Variants in CDH19 observed in about 807,000 individuals in gnomAD.
CDH19 encodes the protein cadherin 19.
CDH19 carries 67 observed loss-of-function variants against 64.2 expected under a neutral mutation model. The observed-to-expected ratio is 1.04, with a 90% confidence interval of 0.86 to 1.28. The LOEUF (loss-of-function observed/expected upper bound fraction) is 1.28, where lower values mean the gene tolerates loss of function less well. Ranked by LOEUF, CDH19 falls within the 50% of genes most tolerant of loss-of-function variation. The pLI, the probability that CDH19 is intolerant of heterozygous loss-of-function variation, is 0.00. For synonymous variants in CDH19, 346 were observed against 319.3 expected (o/e 1.08, Z -0.89); for missense variants, 1,030 against 929.0 (o/e 1.11, Z -1.41).
chr18:66,559,285 T>A (rs1730626471), intron 3 of CDH19, among the ~76,000 whole-genome samples: 1 of 152,032 alleles, frequency 6.6e-6, no homozygotes, highest in Admixed American at 6.6e-5. Flanking sequence ...AAAAACTTTT[T>A]AAAAATTAAG....
chr18:66,543,827 G>A (rs1986990339), intron 7 of CDH19, 144 bp downstream of exon 7: 4 of 599,350 alleles, frequency 6.7e-6, no homozygotes, highest in African/African-American at 1.9e-5. Context: ...AGGTGGCAAT[G>A]AGCTGAGATT....
chr18:66,598,536 A>G (rs557033539), intron 1 of CDH19, among the ~76,000 whole-genome samples: 87 of 152,252 alleles, frequency 5.7e-4, no homozygotes, highest in African/African-American at 1.2e-3. Context: ...CTTTGCCCCA[A>G]TAGGATGGAA....
At chr18:66,547,645 G>A (rs1429001527) in intron 5 of CDH19, among the ~76,000 whole-genome samples, 2 of 144,612 alleles carry the variant, frequency 1.4e-5, no homozygotes, top group African/African-American at 5.0e-5. Context: ...CAGGAGTTCA[G>A]TTAAGTGTGT....
intron 7 of CDH19, among the ~76,000 whole-genome samples, chr18:66,535,704 A>G (rs1464299438): frequency 6.8e-6 from 1 of 147,018 alleles, no homozygotes; most frequent in African/African-American, 2.5e-5. Flanking sequence ...TTTATTACAT[A>G]TATAACATAT....
Position 66,544,905 on chromosome 18 carries a change from T to G in CDH19, c.776-2A>C. 1.3e-6 allele frequency: 2 copies of G among 1,559,550 alleles called. No individual in the cohort carries two copies. The highest frequency in any genetic ancestry group is 1.7e-6 in the Non-Finnish European group (2 of 1,156,404). Reference sequence around the variant, plus strand: ...CAGAGACAGTCAAGCGGTATAAACCTTTAAAAACAAAATTGGAGGTATTTT... The same window carrying G: ...CAGAGACAGTCAAGCGGTATAAACCGTTAAAAACAAAATTGGAGGTATTTT... On this transcript the variant is annotated splice_acceptor_variant, in intron 5 of 11. Transcript: ENST00000262150. LOFTEE classifies it high-confidence loss of function.
At chr18:66,576,190 A>G (rs911698430) in intron 1 of CDH19, among the ~76,000 whole-genome samples, 2 of 151,566 alleles carry the variant, frequency 1.3e-5, no homozygotes, top group African/African-American at 4.8e-5. Flanking sequence ...GTTTAATATT[A>G]ACCATAATAA....
At chr18:66,515,492 G>C (rs1985697132) in intron 9 of CDH19, among the ~76,000 whole-genome samples, 1 of 151,658 alleles carries the variant, frequency 6.6e-6, no homozygotes. Context: ...GTCTTTCTTT[G>C]TTTAGCAAAA....
chr18:66,532,884 G>A (rs1276742861), intron 8 of CDH19, among the ~76,000 whole-genome samples: 1 of 152,100 alleles, frequency 6.6e-6, no homozygotes, highest in Non-Finnish European at 1.5e-5. Context: ...AATTCTATGT[G>A]ACAAATAGTG....
chr18:66,510,622 T>TAATAATAATA (rs1282249811), intron 10 of CDH19, among the ~76,000 whole-genome samples: 8 of 132,868 alleles, frequency 6.0e-5, no homozygotes, highest in African/African-American at 2.2e-4. Context: ...ATAATAATAA[T>TAATAATAATA]AATAATACAT....
At chr18:66,580,176 T>C (rs1002021631) in intron 1 of CDH19, among the ~76,000 whole-genome samples, 1 of 151,990 alleles carries the variant, frequency 6.6e-6, no homozygotes, top group Non-Finnish European at 1.5e-5. Context: ...GATGACAATG[T>C]ATAGAAAGCA....
intron 1 of CDH19, among the ~76,000 whole-genome samples, chr18:66,574,076 T>A (rs2144586510): frequency 6.6e-6 from 1 of 151,830 alleles, no homozygotes; most frequent in African/African-American, 2.4e-5. Flanking sequence ...ACAATGCAGT[T>A]TTTTGGTACA....
In CDH19 at chr18:66,551,235, T is replaced by C; in HGVS notation, c.634A>G (p.Met212Val). Reference protein sequence around the residue: ...TTGVIRISSKMDRELQDEYWV... With the variant: ...TTGVIRISSKVDRELQDEYWV... ...TACTCATCTTGCAGTTCTCTATCCA[T>C]TTTAGAAGATATTCTTATGACTCCT... is the stretch of plus-strand genomic sequence containing the variant. The change falls in exon 5 of 12, where the codon ATG (methionine) becomes GTG (valine). Residue 212 changes from methionine to valine, a missense_variant. Met to Val is a conservative substitution (Grantham distance 21, BLOSUM62 1). Transcript: ENST00000262150. 1 of 1,519,614 alleles carries C rather than the reference T, an allele frequency of 6.6e-7. No individual in the cohort carries two copies. The highest frequency in any genetic ancestry group is 9.1e-7 in the Non-Finnish European group (1 of 1,097,082). The allele number at this position is 1,519,614 out of a possible 1,614,324, so 94.1% of individuals were successfully genotyped here. A position where few individuals can be genotyped will look rare whatever the true frequency, so the allele number is the denominator to read the frequency against.
chr18:66,553,959 T>C (rs796183102), intron 4 of CDH19, among the ~76,000 whole-genome samples: 1 of 89,140 alleles, frequency 1.1e-5, no homozygotes, highest in Non-Finnish European at 2.0e-5. Flanking sequence ...AGCCTTATAC[T>C]CAGACTTAAT....
At chr18:66,594,857 G>C (rs1988840441) in intron 1 of CDH19, among the ~76,000 whole-genome samples, 1 of 111,648 alleles carries the variant, frequency 9.0e-6, no homozygotes, top group South Asian at 3.5e-4. Flanking sequence ...GACTGTTGTG[G>C]GGTGGGGGGA....
chr18:66,598,518 A>C (rs553276008), intron 1 of CDH19, among the ~76,000 whole-genome samples: 1 of 152,258 alleles, frequency 6.6e-6, no homozygotes, highest in Non-Finnish European at 1.5e-5. Flanking sequence ...TAAAAATGAG[A>C]TCATGTCCTT....
chr18:66,506,367 T>G (rs1985197693), intron 11 of CDH19, among the ~76,000 whole-genome samples: 1 of 152,004 alleles, frequency 6.6e-6, no homozygotes, highest in Non-Finnish European at 1.5e-5. Flanking sequence ...AATATGCTAA[T>G]TATGCTGACT....
At chr18:66,598,111 C>A (rs564305634) in intron 1 of CDH19, among the ~76,000 whole-genome samples, 1 of 152,196 alleles carries the variant, frequency 6.6e-6, no homozygotes, top group Admixed American at 6.5e-5. Flanking sequence ...TACCATCTCA[C>A]GCCAGTCAGA....
Position 66,504,975 on chromosome 18 carries a change from T to G in CDH19, c.2156A>C (p.Gln719Pro). The change falls in exon 12 of 12, where the codon CAG becomes CCG. Residue 719 changes from glutamine (Q) to proline (P), a missense_variant. Coordinates refer to ENST00000262150, the MANE Select transcript of CDH19 (RefSeq NM_021153.4). Reference protein sequence around the residue: ...DPCAPPFDSLQTYAFEGTGSL... With the variant: ...DPCAPPFDSLPTYAFEGTGSL... ...CCCTGTTCCCTCAAAAGCGTAGGTC[T>G]GGAGGGAATCAAAAGGAGGGGCACA... 3 of 1,613,542 alleles carry G rather than the reference T, an allele frequency of 1.9e-6. No individual in the cohort carries two copies. The highest frequency in any genetic ancestry group is 2.5e-6 in the Non-Finnish European group (3 of 1,179,726).
At chr18:66,590,350 C>T (rs188474777) in intron 1 of CDH19, among the ~76,000 whole-genome samples, 2 of 151,582 alleles carry the variant, frequency 1.3e-5, no homozygotes, top group South Asian at 4.1e-4. Context: ...AGTATATGTT[C>T]TATTATGTTG....
Sources: allele counts gnomAD v4.1 joint callset (sites outside exome capture counted in the v4.1 genomes callset), GRCh38; gene constraint gnomAD v4.1.1; transcripts MANE v1.5; gene names NCBI Gene and HGNC (gene_info 2026-07-23, HGNC 2026-07-21).